SLC1A2: variants seen among roughly 807,000 people sequenced by gnomAD.
The protein encoded by SLC1A2 is excitatory amino acid transporter 2.
Under a neutral mutation model 48.8 loss-of-function variants are expected in SLC1A2, and 15 were observed. The ratio of observed to expected loss-of-function variants is 0.31; its 90% CI spans 0.21 to 0.47. SLC1A2 has a LOEUF of 0.47. Among genes scored for constraint, SLC1A2 ranks in the 20% least tolerant of loss-of-function variants. The pLI, the probability that SLC1A2 is intolerant of heterozygous loss-of-function variation, is 0.99. For synonymous variants in SLC1A2, 279 were observed against 272.6 expected (o/e 1.02, Z -0.23); for missense variants, 502 against 730.5 (o/e 0.69, Z 3.61).
At chr11:35,302,273 TA>T (rs1851377950) in intron 5 of SLC1A2, among the ~76,000 whole-genome samples, 1 of 152,224 alleles carries the variant, frequency 6.6e-6, no homozygotes, top group South Asian at 2.1e-4. Context: ...CCAGTTTTTT[TA>T]AATGTAATCT....
intron 8 of SLC1A2, among the ~76,000 whole-genome samples, chr11:35,283,016 A>G (rs1423678509): frequency 6.6e-6 from 1 of 152,060 alleles, no homozygotes; most frequent in African/African-American, 2.4e-5. Flanking sequence ...CTGTTAAGAT[A>G]CTAGACACAC....
intron 1 of SLC1A2, among the ~76,000 whole-genome samples, chr11:35,354,920 G>A (rs7124363): frequency 7.2e-5 from 11 of 152,004 alleles, no homozygotes; most frequent in Non-Finnish European, 1.0e-4. Flanking sequence ...AATTTCCTCC[G>A]TTCTAATTAT....
chr11:35,418,642 A>G lies in SLC1A2; in HGVS notation c.17+308T>C. 4 of 408,018 alleles carry G rather than the reference A, an allele frequency of 9.8e-6. No individual in the cohort carries two copies. The South Asian group carries it at 1.2e-4, about 13-fold the overall frequency. The allele number at this position is 408,018 out of a possible 1,614,324, so 25.3% of individuals were successfully genotyped here. ...CTGCTCACACTATGCCCAATCCCCT[A>G]TTGTTTTGAAATCCCAAAAGTAACC... On this transcript the variant is annotated intron_variant, in intron 1 of 10. Coordinates refer to ENST00000278379, the MANE Select transcript of SLC1A2 (RefSeq NM_004171.4).
chr11:35,353,675 C>G (rs936607776), intron 1 of SLC1A2, among the ~76,000 whole-genome samples: 14 of 152,194 alleles, frequency 9.2e-5, no homozygotes, highest in Non-Finnish European at 1.8e-4. Flanking sequence ...TCCCTAATAG[C>G]AAGGGTGGAC....
intron 7 of SLC1A2, among the ~76,000 whole-genome samples, chr11:35,290,532 G>T (rs577024605): frequency 6.6e-6 from 1 of 152,186 alleles, no homozygotes; most frequent in South Asian, 2.1e-4. Context: ...ATCACTGGGT[G>T]ATAGAATAAT....
intron 9 of SLC1A2, among the ~76,000 whole-genome samples, chr11:35,279,710 C>A (rs533397848): frequency 1.3e-5 from 2 of 152,344 alleles, no homozygotes; most frequent in South Asian, 4.1e-4. Flanking sequence ...GAATATCTGT[C>A]CATTTCTAAG....
chr11:35,380,502 T>A (rs891342430), intron 1 of SLC1A2: 10 of 398,304 alleles, frequency 2.5e-5, no homozygotes, highest in Non-Finnish European at 4.4e-5. Flanking sequence ...CCTGGATTGG[T>A]CTGATCTCTC....
Position 35,292,500 on chromosome 11 carries a change from G to A in SLC1A2, c.878C>T (p.Ala293Val), listed in dbSNP as rs1198439242. 1.2e-6 allele frequency: 2 copies of A among 1,613,178 alleles called. No individual in the cohort carries two copies. The highest frequency in any genetic ancestry group is 1.3e-5 in the African/African-American group (1 of 74,860). Residue 293 changes from alanine to valine, a missense_variant, in exon 7 of 11, where the codon GCC (alanine) becomes GTC (valine). Ala to Val is a moderately conservative substitution (Grantham distance 64). Transcript: ENST00000278379. ...MIMWYSPLGI[A>V]CLICGKIIAI... Reference sequence around the variant, plus strand: ...AATGATCTTTCCACAGATCAGGCAGGCGATACCCAGGGGAGAGTACCTGAA... The same window carrying A: ...AATGATCTTTCCACAGATCAGGCAGACGATACCCAGGGGAGAGTACCTGAA...
intron 8 of SLC1A2, among the ~76,000 whole-genome samples, chr11:35,282,782 T>C (rs1215452787): frequency 2.0e-5 from 3 of 152,172 alleles, no homozygotes; most frequent in African/African-American, 4.8e-5. Context: ...TGGTTATCCT[T>C]TGGTTGTGTG....
At chr11:35,368,317 T>A (rs1215073852) in intron 1 of SLC1A2, among the ~76,000 whole-genome samples, 1 of 152,340 alleles carries the variant, frequency 6.6e-6, no homozygotes, top group East Asian at 1.9e-4. Context: ...GTCTGAGTCC[T>A]GCTTTACCAC....
intron 1 of SLC1A2, among the ~76,000 whole-genome samples, chr11:35,355,053 A>G (rs1446142143): frequency 1.3e-5 from 2 of 152,252 alleles, no homozygotes; most frequent in South Asian, 2.1e-4. Flanking sequence ...ATTTATAATC[A>G]GAGAAACATG....
chr11:35,364,782 C>G (rs1414966268), intron 1 of SLC1A2, among the ~76,000 whole-genome samples: 1 of 152,222 alleles, frequency 6.6e-6, no homozygotes, highest in Non-Finnish European at 1.5e-5. Flanking sequence ...ATTATGCACA[C>G]TCAACCTATT....
At chr11:35,336,930 T>C (rs1852655404) in intron 1 of SLC1A2, among the ~76,000 whole-genome samples, 3 of 152,204 alleles carry the variant, frequency 2.0e-5, no homozygotes, top group African/African-American at 7.2e-5. Context: ...TTCAGTGTAC[T>C]GAGGTCTCTG....
intron 1 of SLC1A2, among the ~76,000 whole-genome samples, chr11:35,415,570 C>T (rs1429273353): frequency 1.3e-5 from 2 of 152,214 alleles, no homozygotes; most frequent in East Asian, 1.9e-4. Flanking sequence ...TAGGGTCTTC[C>T]TCCTGCTGAC....
At chr11:35,334,860 TTTTGTTTTGTTTTGC>T (rs1400089062) in intron 1 of SLC1A2, among the ~76,000 whole-genome samples, 77 of 100,074 alleles carry the variant, frequency 7.7e-4, no homozygotes, top group African/African-American at 3.2e-3. Flanking sequence ...TTTTGTTTTG[TTTTGTTTTGTTTTGC>T]AACATCCCTT....
intron 1 of SLC1A2, among the ~76,000 whole-genome samples, chr11:35,321,917 GCT>G (rs1408034790): frequency 6.6e-6 from 1 of 152,042 alleles, no homozygotes; most frequent in Non-Finnish European, 1.5e-5. Context: ...CGAGGCTAAT[GCT>G]CTCTGACACT....
In SLC1A2 at chr11:35,327,627, C is replaced by T. The variant is rs138881001; in HGVS notation, c.18-10111G>A. On this transcript the variant is annotated intron_variant, in intron 1 of 10. Transcript: ENST00000278379. ...CTTCTCCTTGTGTTCATCTTTCAATCGTAAATAATAACCAACATTTCATCA... is the reference window on the plus strand; with the variant it reads ...CTTCTCCTTGTGTTCATCTTTCAATTGTAAATAATAACCAACATTTCATCA... Among the ~76,000 whole-genome samples the T allele has an allele frequency of 1.4e-4, 22 of 152,292 alleles. No homozygotes were observed. In the East Asian group the frequency reaches 3.7e-3, roughly 25 times the overall value.
rs1359755459 is a variant in SLC1A2, at chr11:35,251,891, T to C, written c.*9003A>G. ...AAAGGGGTTACAGGAACTATAGACC[T>C]CACAGCATTGTATTTAGCGATAATT... On this transcript the variant is annotated 3_prime_UTR_variant, in exon 11 of 11. Coordinates refer to ENST00000278379, the MANE Select transcript of SLC1A2 (RefSeq NM_004171.4). 3 of 152,608 alleles carry C rather than the reference T, an allele frequency of 2.0e-5. No homozygotes were observed. Among genetic ancestry groups the C allele is most frequent in the Non-Finnish European group, 4.4e-5 (3 of 68,036 alleles). The allele number at this position is 152,608 out of a possible 1,614,324, so 9.5% of individuals were successfully genotyped here. A position where few individuals can be genotyped will look rare whatever the true frequency, so the allele number is the denominator to read the frequency against.
Position 35,310,939 on chromosome 11 carries a change from TG to T in SLC1A2, c.561+1258del, listed in dbSNP as rs149639475. Among the ~76,000 whole-genome samples, 987 of 152,316 alleles carry T rather than the reference TG, an allele frequency of 6.5e-3. 5 individuals are homozygous for T. Among genetic ancestry groups the T allele is most frequent in the Non-Finnish European group, 1.0e-2 (679 of 68,034 alleles). ...GCTACATACTTTTGTAGTGCCATTT[TG>T]CAACAGCCAGCAAACTCAAAATACA... On this transcript the variant is annotated intron_variant, in intron 4 of 10. Coordinates refer to ENST00000278379, the MANE Select transcript of SLC1A2 (RefSeq NM_004171.4).
Sources: gnomAD v4.1 joint callset for allele counts (sites outside exome capture counted in the v4.1 genomes callset) on GRCh38, gnomAD v4.1.1 for gene constraint, MANE v1.5 for transcripts, NCBI Gene and HGNC (gene_info 2026-07-23, HGNC 2026-07-21) for gene names.